Variants in NUP210L observed in about 807,000 individuals in gnomAD.
NUP210L encodes the protein nucleoporin 210 like.
NUP210L carries 74 observed loss-of-function variants against 208.5 expected under a neutral mutation model. The observed-to-expected ratio is 0.35, with a 90% CI of 0.29 to 0.43. NUP210L has a LOEUF of 0.43. Ranked by LOEUF, NUP210L falls within the 20% of genes least tolerant of loss-of-function variation. NUP210L has a pLI of 1.00. For synonymous variants in NUP210L, 780 were observed against 816.9 expected, an observed-to-expected ratio of 0.95 and a Z score of 0.77; for missense variants, 1,843 against 2,289.4, an observed-to-expected ratio of 0.81 and a Z score of 3.98.
chr1:154,128,502 A>G (rs948912660), intron 8 of NUP210L, among the ~76,000 whole-genome samples: 3 of 151,712 alleles, frequency 2.0e-5, no homozygotes, highest in African/African-American at 4.8e-5. Flanking sequence ...AAAAAATTGT[A>G]TAATAATTTA....
chr1:154,087,629 C>T (rs1210722640), intron 16 of NUP210L, among the ~76,000 whole-genome samples: 2 of 152,136 alleles, frequency 1.3e-5, no homozygotes, highest in Non-Finnish European at 2.9e-5. Context: ...CACAAAAAAA[C>T]TTGTACATGA....
intron 10 of NUP210L, among the ~76,000 whole-genome samples, chr1:154,124,043 C>T (rs1333928482): frequency 5.9e-5 from 9 of 151,698 alleles, no homozygotes; most frequent in African/African-American, 1.9e-4. Context: ...AAAAATTAGC[C>T]GGGCGTGGTG....
chr1:154,027,568 T>C, exon 29 of NUP210L: 1 of 1,613,654 alleles, frequency 6.2e-7, no homozygotes, highest in South Asian at 1.1e-5. Flanking sequence ...GTTGGCACTC[T>C]GGATAGAAGA....
chr1:154,127,519 T>C (rs2148118983), intron 8 of NUP210L, 102 bp from the exon 9 acceptor site: 1 of 481,202 alleles, frequency 2.1e-6, no homozygotes. Context: ...CAGCAAAATT[T>C]ACTAATAGAT....
intron 30 of NUP210L, among the ~76,000 whole-genome samples, chr1:154,025,195 T>C (rs1056237219): frequency 1.3e-5 from 2 of 152,080 alleles, no homozygotes; most frequent in Admixed American, 6.6e-5. Flanking sequence ...CCCAAAGTGC[T>C]GGGATTACAG....
intron 27 of NUP210L, chr1:154,040,050 G>A (rs994250296): frequency 1.3e-4 from 20 of 152,012 alleles, no homozygotes; most frequent in South Asian, 4.1e-4. Flanking sequence ...ACGGGATCTC[G>A]CTCTATCTAT....
At position 153,993,237 on chromosome 1, in the gene NUP210L, TA is replaced by T. The variant is rs1325497579; in HGVS notation, c.5492-149del. ...ATTACAGGAAGTTTTTATCCCAATT[TA>T]ACCCATTTTAGAGTTACTTTCAGCT... On this transcript the variant is annotated intron_variant, in intron 38 of 39. Coordinates refer to ENST00000368559, the Ensembl canonical transcript of NUP210L. 12 of 590,144 alleles carry T rather than the reference TA, an allele frequency of 2.0e-5. No homozygotes were observed. The South Asian group carries it at 3.0e-4, about 15-fold the overall frequency. The allele number at this position is 590,144 out of a possible 1,614,324, so 36.6% of individuals were successfully genotyped here. A position where few individuals can be genotyped will look rare whatever the true frequency, so the allele number is the denominator to read the frequency against.
rs577734115 is a variant in NUP210L, at chr1:154,125,407, G to A, written c.1326+916C>T. Among the ~76,000 whole-genome samples the A allele has an allele frequency of 5.3e-5, 8 of 151,268 alleles. No homozygotes were observed. In the East Asian group the frequency reaches 1.2e-3, roughly 23 times the overall value. On this transcript the variant is annotated intron_variant, in intron 10 of 39. Transcript: ENST00000368559. The stretch of plus-strand genomic sequence containing the variant: ...AGAGGTTGCAGTGAGCCAAGACCAC[G>A]CCACTGCACTCCAGCCTGGGCAACA...
rs558244645 is a variant in NUP210L at position 154,040,398 on chromosome 1, A to G, written c.3696+5671T>C. On this transcript the variant is annotated intron_variant, in intron 27 of 39. Transcript: ENST00000368559. ...AAAAAAAAAAGAAGAAAAGAAGAAA[A>G]AAGAAAGAATAAAGGAGAAAGAAGG... 3.0e-4 allele frequency among the ~76,000 whole-genome samples: 45 copies of G among 152,038 alleles called. 1 individual carries two copies. The highest frequency in any genetic ancestry group is 5.4e-4 in the Non-Finnish European group (37 of 67,954).
intron 25 of NUP210L, among the ~76,000 whole-genome samples, chr1:154,052,832 T>C (rs959976675): frequency 3.3e-5 from 5 of 152,234 alleles, no homozygotes; most frequent in Non-Finnish European, 5.9e-5. Flanking sequence ...TCATTATTGA[T>C]TGGTCCCCAA....
intron 16 of NUP210L, among the ~76,000 whole-genome samples, chr1:154,082,720 G>A (rs1012836992): frequency 6.6e-6 from 1 of 152,196 alleles, no homozygotes; most frequent in Non-Finnish European, 1.5e-5. Flanking sequence ...CAGAAACGGA[G>A]TTTGTTCCTT....
chr1:154,025,809 G>C (rs1651846557), intron 29 of NUP210L, 93 bp from the exon 30 acceptor site: 1 of 1,100,080 alleles, frequency 9.1e-7, no homozygotes. Context: ...GTTAGGGGAT[G>C]TACTCGAGAA....
intron 25 of NUP210L, among the ~76,000 whole-genome samples, chr1:154,048,866 C>T (rs1324944947): frequency 6.6e-6 from 1 of 152,160 alleles, no homozygotes; most frequent in African/African-American, 2.4e-5. Flanking sequence ...ATTGTTATAT[C>T]TACTTCTGTT....
At chr1:154,118,399 G>A (rs1657439266) in intron 11 of NUP210L, among the ~76,000 whole-genome samples, 1 of 152,118 alleles carries the variant, frequency 6.6e-6, no homozygotes, top group East Asian at 1.9e-4. Context: ...GGGAGGCAAA[G>A]TAATGGTAGT....
chr1:154,060,802 T>G, intron 19 of NUP210L, 140 bp downstream of exon 19: 1 of 743,658 alleles, frequency 1.3e-6, no homozygotes, highest in Non-Finnish European at 2.2e-6. Context: ...TTAAGGACAG[T>G]GCAACTATTA....
intron 10 of NUP210L, among the ~76,000 whole-genome samples, chr1:154,122,745 A>G (rs1218250907): frequency 1.3e-5 from 2 of 152,084 alleles, no homozygotes; most frequent in Admixed American, 6.6e-5. Flanking sequence ...AACATGGTGC[A>G]GCTACTGTAG....
chr1:154,070,483 G>T lies in NUP210L; in HGVS notation c.2362-18C>A, dbSNP rs774843552. On this transcript the variant is annotated intron_variant, in intron 16 of 39. Coordinates refer to ENST00000368559, the Ensembl canonical transcript of NUP210L. ...ACAGGAATCTGCATTAAAATAAAAA[G>T]TAATAAAACAACAATTTAAAAATCA... 6.8e-6 allele frequency: 10 copies of T among 1,480,728 alleles called. No homozygotes were observed. The highest frequency in any genetic ancestry group is 4.3e-5 in the African/African-American group (3 of 70,258). 91.7% of individuals were successfully genotyped at this position (1,480,728 alleles called of 1,614,324 possible). A position where few individuals can be genotyped will look rare whatever the true frequency, so the allele number is the denominator to read the frequency against.
At chr1:154,103,005 G>C (rs1263046035) in intron 13 of NUP210L, among the ~76,000 whole-genome samples, 1 of 152,104 alleles carries the variant, frequency 6.6e-6, no homozygotes, top group African/African-American at 2.4e-5. Flanking sequence ...GGGCCCAGGA[G>C]TTCAAGGTTA....
At chr1:154,083,403 G>A (rs189342614) in intron 16 of NUP210L, among the ~76,000 whole-genome samples, 279 of 152,300 alleles carry the variant, frequency 1.8e-3, no homozygotes, top group African/African-American at 6.3e-3. Context: ...AAGCCCAGCT[G>A]GCTTCACCTC....
Sources: allele counts gnomAD v4.1 joint callset (sites outside exome capture counted in the v4.1 genomes callset), GRCh38; gene constraint gnomAD v4.1.1; transcripts MANE v1.5; gene names NCBI Gene and HGNC (gene_info 2026-07-23, HGNC 2026-07-21).